CCDC66: variants seen among roughly 807,000 people sequenced by gnomAD.
The protein encoded by CCDC66 is coiled-coil domain containing 66, also known as coiled-coil domain-containing protein 66.
CCDC66 carries 133 observed loss-of-function variants against 128.3 expected under a neutral mutation model. The ratio of observed to expected loss-of-function variants is 1.04; its 90% CI spans 0.90 to 1.20. CCDC66 has a LOEUF of 1.20. CCDC66 is among the 50% of genes most tolerant of loss of function. The pLI, the probability that CCDC66 is intolerant of heterozygous loss-of-function variation, is 0.00. For missense variants in CCDC66, 1,126 were observed against 1,075.5 expected, an observed-to-expected ratio of 1.05 and a Z score of -0.66; for synonymous variants, 387 against 357.0, an observed-to-expected ratio of 1.08 and a Z score of -0.95.
chr3:56,580,546 A>T (rs1426833095), intron 7 of CCDC66, among the ~76,000 whole-genome samples: 1 of 151,730 alleles, frequency 6.6e-6, no homozygotes, highest in Non-Finnish European at 1.5e-5. Flanking sequence ...AGTGGCTGGT[A>T]CCGGTTGTTC....
Position 56,591,003 on chromosome 3 carries a change from A to T in CCDC66, c.937-1967A>T, listed in dbSNP as rs2070789665. On this transcript the variant is annotated intron_variant, in intron 7 of 17. Transcript: ENST00000394672. ...GCCTTACTCACCTTCAACTAAATGC[A>T]TGCAGTAAACCAAAAGGAATGCAGT... Among the ~76,000 whole-genome samples the T allele has an allele frequency of 2.0e-5, 3 of 152,230 alleles. No homozygotes were observed. In the South Asian group the frequency reaches 6.2e-4, roughly 32 times the overall value.
intron 10 of CCDC66, among the ~76,000 whole-genome samples, chr3:56,595,933 G>C (rs1215259198): frequency 1.3e-5 from 2 of 152,106 alleles, no homozygotes; most frequent in African/African-American, 4.8e-5. Flanking sequence ...GCTTGTTTTT[G>C]AGACAGGGTC....
chr3:56,594,006 G>T lies in CCDC66; in HGVS notation c.1382G>T (p.Arg461Leu), dbSNP rs745348880. ...PAQIEERDRRRQKQLEHQKAI... is the reference protein window; with the variant it reads ...PAQIEERDRRLQKQLEHQKAI... ...CAGATTGAGGAACGAGACAGACGAC[G>T]ACAAAAACAATTAGAGCATCAGGTA... The change falls in exon 10 of 18, where the codon CGA becomes CTA. Residue 461 changes from arginine (R) to leucine (L), a missense_variant. By Grantham distance (102) the Arg-to-Leu change is moderately radical. Coordinates refer to ENST00000394672, the MANE Select transcript of CCDC66 (RefSeq NM_001141947.3). 1.9e-6 allele frequency: 3 copies of T among 1,613,854 alleles called. No individual in the cohort carries two copies. The highest frequency in any genetic ancestry group is 2.5e-6 in the Non-Finnish European group (3 of 1,179,868).
chr3:56,621,379 T>G, intron 17 of CCDC66, 153 bp from the exon 18 acceptor site: 1 of 467,604 alleles, frequency 2.1e-6, no homozygotes, highest in African/African-American at 2.0e-5. Context: ...CCAAATGAGG[T>G]GGTCTAGTAC....
At chr3:56,578,186 T>C (rs923375152) in intron 7 of CCDC66, among the ~76,000 whole-genome samples, 1 of 151,816 alleles carries the variant, frequency 6.6e-6, no homozygotes, top group Non-Finnish European at 1.5e-5. Flanking sequence ...CAGTTGTGAA[T>C]GGGAGTTTGC....
intron 7 of CCDC66, among the ~76,000 whole-genome samples, chr3:56,585,427 A>G (rs2069504063): frequency 6.6e-6 from 1 of 151,868 alleles, no homozygotes; most frequent in South Asian, 2.1e-4. Context: ...GGCATCAAAG[A>G]TATTATAAAT....
At chr3:56,601,677 G>A (rs538307764) in intron 10 of CCDC66, among the ~76,000 whole-genome samples, 8 of 152,124 alleles carry the variant, frequency 5.3e-5, no homozygotes, top group East Asian at 3.9e-4. Context: ...TCTCCTTAAA[G>A]AGGTCCTTCA....
chr3:56,585,976 A>G (rs2069624375), intron 7 of CCDC66, among the ~76,000 whole-genome samples: 2 of 152,064 alleles, frequency 1.3e-5, no homozygotes, highest in African/African-American at 4.8e-5. Context: ...TGCATATACT[A>G]TAACCATATC....
chr3:56,617,430 A>T lies in CCDC66; in HGVS notation c.2162A>T (p.Lys721Ile). ...ATTCCAGCATCAGAAAAGTACCCTA[A>T]ACAGCTTCAAAAGCAGAGAGAAGAA... ...RYIPASEKYP[K>I]QLQKQREEKK... is the part of the protein sequence containing the mutation. The change falls in exon 14 of 18, where the codon AAA becomes ATA. Residue 721 changes from lysine (K) to isoleucine (I), a missense_variant. Coordinates refer to ENST00000394672, the MANE Select transcript of CCDC66 (RefSeq NM_001141947.3). 1 of 1,614,108 alleles carries T rather than the reference A, an allele frequency of 6.2e-7. No homozygotes were observed. The highest frequency in any genetic ancestry group is 1.1e-5 in the South Asian group (1 of 91,070).
chr3:56,615,092 T>G (rs1252301489), intron 11 of CCDC66, 36 bp from the exon 12 acceptor site: 2 of 1,599,794 alleles, frequency 1.3e-6, no homozygotes, highest in Non-Finnish European at 1.7e-6. Flanking sequence ...TTTGTATGTT[T>G]AATAGATGAA....
At chr3:56,567,434 G>A (rs1465489688) in intron 6 of CCDC66, among the ~76,000 whole-genome samples, 1 of 152,124 alleles carries the variant, frequency 6.6e-6, no homozygotes, top group Non-Finnish European at 1.5e-5. Context: ...GAAGTTTAGG[G>A]GCCAAGGGAA....
In CCDC66 at chr3:56,618,162, C is replaced by G. The variant is rs746709978; in HGVS notation, c.2338-10C>G. 6.5e-5 allele frequency: 105 copies of G among 1,604,680 alleles called. No homozygotes were observed. The highest frequency in any genetic ancestry group is 3.0e-4 in the Admixed American group (18 of 59,868). On this transcript the variant is annotated splice_polypyrimidine_tract_variant and intron_variant, in intron 14 of 17. Coordinates refer to ENST00000394672, the MANE Select transcript of CCDC66 (RefSeq NM_001141947.3). ...ATATTCCTTTCTGCATTTATCTATCCATATTTTAGGAAGAAGAGCCTCTGA... is the reference window on the plus strand; with the variant it reads ...ATATTCCTTTCTGCATTTATCTATCGATATTTTAGGAAGAAGAGCCTCTGA...
At position 56,599,292 on chromosome 3, in the gene CCDC66, G is replaced by A. The variant is rs184626158; in HGVS notation, c.1404+5264G>A. 2.6e-4 allele frequency among the ~76,000 whole-genome samples: 40 copies of A among 151,746 alleles called. 1 individual carries two copies. Among genetic ancestry groups the A allele is most frequent in the African/African-American group, 8.7e-4 (36 of 41,344 alleles). ...CCTTTTTTATTCCTGATTTTATTTG[G>A]GTCTTCTCTCTTCGGTTCTTGGTTA... On this transcript the variant is annotated intron_variant, in intron 10 of 17. Coordinates refer to ENST00000394672, the MANE Select transcript of CCDC66 (RefSeq NM_001141947.3).
chr3:56,619,803 G>A lies in CCDC66; in HGVS notation c.2662G>A (p.Asp888Asn). Reference sequence around the variant, plus strand: ...CTGTGGCCAAAAACGACAGCTATTTGATTCTGACTGTGTCAGGGATCCACT... The same window carrying A: ...CTGTGGCCAAAAACGACAGCTATTTAATTCTGACTGTGTCAGGGATCCACT... Reference protein sequence around the residue: ...QDCGQKRQLFDSDCVRDPLLN... With the variant: ...QDCGQKRQLFNSDCVRDPLLN... Residue 888 changes from aspartate (D) to asparagine (N), a missense_variant, in exon 17 of 18, where the codon GAT becomes AAT. Physicochemically the swap from Asp to Asn is conservative, Grantham distance 23. Transcript: ENST00000394672. The A allele has an allele frequency of 1.2e-6, 2 of 1,613,974 alleles. No individual in the cohort carries two copies. Among genetic ancestry groups the A allele is most frequent in the Non-Finnish European group, 1.7e-6 (2 of 1,179,970 alleles).
rs772545595 is a variant in CCDC66 at position 56,616,052 on chromosome 3, A to G, written c.1842A>G (p.Thr614=). The G allele has an allele frequency of 2.5e-5, 39 of 1,582,598 alleles. No individual in the cohort carries two copies. The highest frequency in any genetic ancestry group is 3.1e-5 in the Non-Finnish European group (36 of 1,167,722). Reference sequence around the variant, plus strand: ...CTAAGAAGGATACTGGTGTGCAAACAGGTATTTGTGTGGAAATTGTGGTTT... The same window carrying G: ...CTAAGAAGGATACTGGTGTGCAAACGGGTATTTGTGTGGAAATTGTGGTTT... ...TTSKKDTGVQ[T]DDLNIGIFTN... The change falls in exon 13 of 18, where the codon ACA becomes ACG. Residue 614 remains threonine (T), a splice_region_variant and synonymous_variant. Coordinates refer to ENST00000394672, the MANE Select transcript of CCDC66 (RefSeq NM_001141947.3).
intron 17 of CCDC66, 92 bp from the exon 18 acceptor site, chr3:56,621,440 T>A (rs1483027920): frequency 1.1e-6 from 1 of 878,618 alleles, no homozygotes; most frequent in Non-Finnish European, 1.7e-6. Flanking sequence ...CTAAGCGATA[T>A]GTTTTCCAAG....
chr3:56,572,244 A>G (rs2066734506), intron 7 of CCDC66: 3 of 586,882 alleles, frequency 5.1e-6, no homozygotes, highest in South Asian at 3.1e-5. Flanking sequence ...TGTCTTGTGT[A>G]GTGCTTTTGT....
In CCDC66 at chr3:56,590,881, G is replaced by C. The variant is rs893167403; in HGVS notation, c.937-2089G>C. On this transcript the variant is annotated intron_variant, in intron 7 of 17. Coordinates refer to ENST00000394672, the MANE Select transcript of CCDC66 (RefSeq NM_001141947.3). ...AAAGTCAGTTAGCCTGGGAAAAGAG[G>C]CTTCTTTCTTTAACTGTATGGAGGA... Among the ~76,000 whole-genome samples the C allele has an allele frequency of 2.6e-5, 4 of 152,294 alleles. No homozygotes were observed. In the South Asian group the frequency reaches 6.2e-4, roughly 24 times the overall value.
intron 15 of CCDC66, chr3:56,618,455 CTAAG>C (rs1247488865): frequency 2.4e-6 from 1 of 418,292 alleles, no homozygotes; most frequent in Non-Finnish European, 4.3e-6. Context: ...CTAGACTTAA[CTAAG>C]TGATTTTGAT....
Sources: allele counts gnomAD v4.1 joint callset (sites outside exome capture counted in the v4.1 genomes callset), GRCh38; gene constraint gnomAD v4.1.1; transcripts MANE v1.5; gene names NCBI Gene and HGNC (gene_info 2026-07-23, HGNC 2026-07-21).